IGBP1C: variants seen among roughly 807,000 people sequenced by gnomAD.
The protein encoded by IGBP1C is immunoglobulin-binding protein 1 family member C.
chr17:58,660,532 G>A, the IGBP1C span: 1 of 738,164 alleles, frequency 1.4e-6, no homozygotes, highest in South Asian at 1.5e-5. Flanking sequence ...GTTTTCCTTG[G>A]CGGGGAAGGT....
the IGBP1C span, among the ~76,000 whole-genome samples, chr17:58,675,873 G>A: frequency 6.6e-6 from 1 of 152,154 alleles, no homozygotes; most frequent in African/African-American, 2.4e-5. Context: ...TTACAAGCAC[G>A]AGCCACTGAG....
At chr17:58,689,218 C>T in the IGBP1C span, among the ~76,000 whole-genome samples, 1 of 150,678 alleles carries the variant, frequency 6.6e-6, no homozygotes, top group Non-Finnish European at 1.5e-5. Context: ...TGAGACATCA[C>T]GCTCAGCTAA....
the IGBP1C span, among the ~76,000 whole-genome samples, chr17:58,662,476 A>G: frequency 1.3e-5 from 2 of 151,896 alleles, no homozygotes; most frequent in African/African-American, 4.8e-5. Context: ...CTACATGACC[A>G]AATTATGACT....
the IGBP1C span, chr17:58,677,594 G>C: frequency 2.6e-5 from 4 of 152,212 alleles, no homozygotes; most frequent in African/African-American, 9.6e-5. Flanking sequence ...TGTGAACACA[G>C]TCGCCCACTA....
the IGBP1C span, among the ~76,000 whole-genome samples, chr17:58,687,013 A>G: frequency 1.3e-5 from 2 of 152,024 alleles, no homozygotes; most frequent in South Asian, 4.2e-4. Context: ...AGCTGGGATT[A>G]CAGATGCCCA....
the IGBP1C span, among the ~76,000 whole-genome samples, chr17:58,689,796 G>A: frequency 6.6e-6 from 1 of 151,516 alleles, no homozygotes; most frequent in Non-Finnish European, 1.5e-5. Context: ...TTGCATTAAA[G>A]ACATCTTAAG....
chr17:58,690,375 A>G, the IGBP1C span, among the ~76,000 whole-genome samples: 1 of 152,164 alleles, frequency 6.6e-6, no homozygotes, highest in Admixed American at 6.6e-5. Flanking sequence ...CCTGTTGCCC[A>G]GGCTGGTCTC....
the IGBP1C span, among the ~76,000 whole-genome samples, chr17:58,662,415 T>TCACA: frequency 0.064 from 7,385 of 114,826 alleles, 208 homozygotes; most frequent in South Asian, 0.11. Context: ...CACACATATC[T>TCACA]CACACACACA....
chr17:58,682,130 G>C, the IGBP1C span, among the ~76,000 whole-genome samples: 1 of 152,004 alleles, frequency 6.6e-6, no homozygotes, highest in Non-Finnish European at 1.5e-5. Flanking sequence ...TGTATTTTTT[G>C]TAGAGAGGGA....
the IGBP1C span, among the ~76,000 whole-genome samples, chr17:58,674,767 G>A: frequency 8.9e-5 from 13 of 146,038 alleles, no homozygotes; most frequent in African/African-American, 3.0e-4. Flanking sequence ...AAAAGCACAA[G>A]TATAGTATGT....
the IGBP1C span, among the ~76,000 whole-genome samples, chr17:58,676,356 A>G: frequency 6.6e-6 from 1 of 151,928 alleles, no homozygotes; most frequent in Non-Finnish European, 1.5e-5. Context: ...AGCTTGGGCA[A>G]CAAGAGAGAA....
At chr17:58,668,752 C>T in the IGBP1C span, among the ~76,000 whole-genome samples, 8 of 152,120 alleles carry the variant, frequency 5.3e-5, no homozygotes, top group Middle Eastern at 6.8e-3. Flanking sequence ...TCTGGATCAC[C>T]CAGAAAGCAT....
the IGBP1C span, among the ~76,000 whole-genome samples, chr17:58,687,795 T>C: frequency 6.6e-6 from 1 of 152,172 alleles, no homozygotes; most frequent in African/African-American, 2.4e-5. Context: ...AGGTTAACTA[T>C]AGACATTAAC....
the IGBP1C span, among the ~76,000 whole-genome samples, chr17:58,676,285 A>G: frequency 2.0e-5 from 3 of 152,130 alleles, no homozygotes; most frequent in African/African-American, 7.2e-5. Context: ...TTGAGGCAGG[A>G]GAATCACTTG....
chr17:58,664,465 T>C, the IGBP1C span, among the ~76,000 whole-genome samples: 1 of 152,234 alleles, frequency 6.6e-6, no homozygotes, highest in Admixed American at 6.5e-5. Context: ...TCTCAAGTCA[T>C]TACTTACATG....
At chr17:58,680,228 T>C in the IGBP1C span, among the ~76,000 whole-genome samples, 1 of 152,144 alleles carries the variant, frequency 6.6e-6, no homozygotes, top group African/African-American at 2.4e-5. Flanking sequence ...CTTGCGCAGT[T>C]AAACAAGCTG....
chr17:58,686,255 T>G, the IGBP1C span, among the ~76,000 whole-genome samples: 1 of 152,168 alleles, frequency 6.6e-6, no homozygotes, highest in Non-Finnish European at 1.5e-5. Flanking sequence ...GAAGGATCTC[T>G]TTCTTGAGCC....
chr17:58,682,706 A>ATCC, the IGBP1C span, among the ~76,000 whole-genome samples: 1 of 152,208 alleles, frequency 6.6e-6, no homozygotes, highest in African/African-American at 2.4e-5. Context: ...TGGCTCATGA[A>ATCC]TCCTCACAAG....
chr17:58,679,336 T>C, the IGBP1C span, among the ~76,000 whole-genome samples: 2 of 152,122 alleles, frequency 1.3e-5, no homozygotes, highest in Admixed American at 6.6e-5. Context: ...CTGATTGTAA[T>C]GGCAAATCAC....
Sources: allele counts gnomAD v4.1 joint callset (sites outside exome capture counted in the v4.1 genomes callset), GRCh38; gene constraint gnomAD v4.1.1; transcripts MANE v1.5; gene names NCBI Gene and HGNC (gene_info 2026-07-23, HGNC 2026-07-21).